Variants in RAB38 observed in about 807,000 individuals in gnomAD.
RAB38 encodes RAB38, member RAS oncogene family, also known as ras-related protein Rab-38.
RAB38 carries 15 observed loss-of-function variants against 18.4 expected under a neutral mutation model. The observed-to-expected ratio is 0.82, with a 90% CI of 0.55 to 1.26. The LOEUF (loss-of-function observed/expected upper bound fraction) is 1.26. Ranked by LOEUF, RAB38 falls within the 50% of genes most tolerant of loss-of-function variation. RAB38 has a pLI of 0.00. For synonymous variants in RAB38, 101 were observed against 104.4 expected, an observed-to-expected ratio of 0.97 and a Z score of 0.20; for missense variants, 294 against 267.4, an observed-to-expected ratio of 1.10 and a Z score of -0.69.
chr11:87,805,910 T>C, the RAB38 span, among the ~76,000 whole-genome samples: 4 of 152,108 alleles, frequency 2.6e-5, no homozygotes, highest in South Asian at 8.3e-4. Flanking sequence ...CTTAAAGCCT[T>C]CAACTGGTTT....
chr11:87,959,120 G>T, the RAB38 span, among the ~76,000 whole-genome samples: 2 of 151,992 alleles, frequency 1.3e-5, no homozygotes, highest in Non-Finnish European at 2.9e-5. Flanking sequence ...CTACCTTCAG[G>T]CTATGGGCCC....
the RAB38 span, among the ~76,000 whole-genome samples, chr11:87,964,080 G>T: frequency 1.3e-5 from 2 of 152,174 alleles, no homozygotes; most frequent in Non-Finnish European, 2.9e-5. Context: ...AATAAGCCAA[G>T]AAGAAATTAT....
At chr11:87,947,487 G>GCC in the RAB38 span, among the ~76,000 whole-genome samples, 13 of 152,166 alleles carry the variant, frequency 8.5e-5, no homozygotes, top group Admixed American at 7.9e-4. Context: ...GAATGGTATT[G>GCC]CCTAGGGTTT....
intron 1 of RAB38, among the ~76,000 whole-genome samples, chr11:88,174,335 CT>C (rs1943349591): frequency 6.6e-6 from 1 of 152,144 alleles, no homozygotes; most frequent in African/African-American, 2.4e-5. Context: ...GGCCTAACTT[CT>C]GGTACAAACC....
chr11:87,861,575 T>TG, the RAB38 span, among the ~76,000 whole-genome samples: 1 of 151,858 alleles, frequency 6.6e-6, no homozygotes, highest in Admixed American at 6.6e-5. Context: ...GCATTTTGCT[T>TG]GTTGACTTTC....
At chr11:88,049,269 C>T in the RAB38 span, among the ~76,000 whole-genome samples, 1 of 152,182 alleles carries the variant, frequency 6.6e-6, no homozygotes, top group African/African-American at 2.4e-5. Context: ...GTGACCTGCA[C>T]ATAAACATCC....
At chr11:87,929,295 C>A in the RAB38 span, among the ~76,000 whole-genome samples, 1 of 151,894 alleles carries the variant, frequency 6.6e-6, no homozygotes. Flanking sequence ...TTGTAACCCC[C>A]TCTTTCCTTT....
chr11:87,954,591 C>T, the RAB38 span, among the ~76,000 whole-genome samples: 2 of 151,840 alleles, frequency 1.3e-5, no homozygotes, highest in East Asian at 1.9e-4. Flanking sequence ...ACAATTTTTC[C>T]TCAGTTTTCT....
chr11:88,004,632 T>C, the RAB38 span, among the ~76,000 whole-genome samples: 7 of 151,204 alleles, frequency 4.6e-5, no homozygotes, highest in African/African-American at 1.2e-4. Flanking sequence ...TAGTTAGTCA[T>C]TGCATAAAAG....
the RAB38 span, among the ~76,000 whole-genome samples, chr11:87,903,005 G>T: frequency 2.6e-5 from 4 of 151,126 alleles, no homozygotes; most frequent in South Asian, 8.3e-4. Context: ...GATGCTGTCC[G>T]TGAATAGAAA....
At chr11:88,046,184 G>A in the RAB38 span, among the ~76,000 whole-genome samples, 22 of 151,994 alleles carry the variant, frequency 1.4e-4, no homozygotes, top group Non-Finnish European at 2.2e-4. Flanking sequence ...ATCCCATCCC[G>A]CAGCACGCTT....
At chr11:87,933,026 C>T in the RAB38 span, among the ~76,000 whole-genome samples, 1 of 152,066 alleles carries the variant, frequency 6.6e-6, no homozygotes, top group Non-Finnish European at 1.5e-5. Context: ...AAGACAACAG[C>T]ACCATCTGTT....
At chr11:88,073,231 C>T in the RAB38 span, among the ~76,000 whole-genome samples, 1 of 152,152 alleles carries the variant, frequency 6.6e-6, no homozygotes. Context: ...CATCCATCTG[C>T]AGCCCTGGAA....
At chr11:88,095,044 C>T in the RAB38 span, among the ~76,000 whole-genome samples, 1 of 151,786 alleles carries the variant, frequency 6.6e-6, no homozygotes, top group Non-Finnish European at 1.5e-5. Context: ...TTTTCTCACT[C>T]AAAGACATCA....
chr11:87,831,981 C>T, the RAB38 span, among the ~76,000 whole-genome samples: 1 of 152,012 alleles, frequency 6.6e-6, no homozygotes, highest in South Asian at 2.1e-4. Context: ...CTACTATGTG[C>T]CAAAGACATT....
chr11:87,926,491 A>G, the RAB38 span, among the ~76,000 whole-genome samples: 2 of 148,934 alleles, frequency 1.3e-5, no homozygotes, highest in African/African-American at 5.0e-5. Flanking sequence ...CTCTAATTCT[A>G]AATAAGTCAA....
At chr11:88,032,833 T>G in the RAB38 span, among the ~76,000 whole-genome samples, 1 of 152,204 alleles carries the variant, frequency 6.6e-6, no homozygotes, top group African/African-American at 2.4e-5. Context: ...TCCTCAGGGA[T>G]CTAGAACTAG....
the RAB38 span, among the ~76,000 whole-genome samples, chr11:88,074,855 G>T: frequency 2.6e-5 from 4 of 151,978 alleles, no homozygotes; most frequent in Non-Finnish European, 2.9e-5. Context: ...GTAAAGAGGT[G>T]GAAAAGGTAT....
the RAB38 span, among the ~76,000 whole-genome samples, chr11:88,078,781 G>A: frequency 6.6e-6 from 1 of 151,800 alleles, no homozygotes; most frequent in South Asian, 2.1e-4. Context: ...ATACAAATTT[G>A]ATAGAAGAAA....
Sources: allele counts gnomAD v4.1 joint callset (sites outside exome capture counted in the v4.1 genomes callset), GRCh38; gene constraint gnomAD v4.1.1; transcripts MANE v1.5; gene names NCBI Gene and HGNC (gene_info 2026-07-23, HGNC 2026-07-21).